The following TULP4 variants were observed in gnomAD, a reference collection of about 807,000 sequenced individuals.
TULP4 encodes the protein TUB like protein 4.
A neutral mutation model predicts 129.0 loss-of-function variants in TULP4; 16 were observed. The observed-to-expected ratio is 0.12, with a 90% CI of 0.08 to 0.19. TULP4 has a LOEUF of 0.19. Among genes scored for constraint, TULP4 ranks in the 10% least tolerant of loss-of-function variants. The pLI, the probability that TULP4 is intolerant of heterozygous loss-of-function variation, is 1.00. For synonymous variants in TULP4, 998 were observed against 854.0 expected (o/e 1.17, Z -2.94); for missense variants, 1,842 against 2,059.1 (o/e 0.89, Z 2.04).
intron 8 of TULP4, among the ~76,000 whole-genome samples, chr6:158,482,581 G>A (rs534556810): frequency 2.0e-4 from 31 of 152,324 alleles, no homozygotes; most frequent in African/African-American, 7.0e-4. Flanking sequence ...AGAAGCGCAT[G>A]TTCACGTGGG....
intron 1 of TULP4, among the ~76,000 whole-genome samples, chr6:158,357,253 T>C (rs1780670700): frequency 6.6e-6 from 1 of 152,232 alleles, no homozygotes; most frequent in South Asian, 2.1e-4. Flanking sequence ...GAGCCTTGTC[T>C]GAGGAGAACA....
intron 1 of TULP4, among the ~76,000 whole-genome samples, chr6:158,360,548 G>T (rs1181393883): frequency 6.6e-6 from 1 of 152,178 alleles, no homozygotes; most frequent in African/African-American, 2.4e-5. Context: ...GTAGAATGTG[G>T]CATTTATGAA....
intron 1 of TULP4, among the ~76,000 whole-genome samples, chr6:158,388,320 T>TTTTG (rs1777498761): frequency 9.0e-6 from 1 of 111,130 alleles, no homozygotes; most frequent in South Asian, 3.0e-4. Flanking sequence ...CTGCTCGTTT[T>TTTTG]TCTTTTTTTT....
intron 1 of TULP4, among the ~76,000 whole-genome samples, chr6:158,344,277 C>T (rs1259427183): frequency 6.6e-6 from 1 of 152,222 alleles, no homozygotes; most frequent in African/African-American, 2.4e-5. Context: ...CACCTGCACC[C>T]AGGTGAAATA....
At chr6:158,467,939 T>C (rs1779589359) in intron 6 of TULP4, among the ~76,000 whole-genome samples, 1 of 152,244 alleles carries the variant, frequency 6.6e-6, no homozygotes, top group African/African-American at 2.4e-5. Context: ...TGGTGAGTTA[T>C]GTTGGGGCAG....
chr6:158,448,993 C>A lies in TULP4; in HGVS notation c.544-3C>A, dbSNP rs1779109291. The A allele has an allele frequency of 6.2e-7, 1 of 1,603,738 alleles. No individual in the cohort carries two copies. The highest frequency in any genetic ancestry group is 8.5e-7 in the Non-Finnish European group (1 of 1,173,222). ...GGTCAGAGGTCCCCATCCTGGATTGCAGGTGCTGTTTGGCACGGCCGATGG... is the reference window on the plus strand; with the variant it reads ...GGTCAGAGGTCCCCATCCTGGATTGAAGGTGCTGTTTGGCACGGCCGATGG... On this transcript the variant is annotated splice_region_variant and splice_polypyrimidine_tract_variant and intron_variant, in intron 3 of 13. Transcript: ENST00000367097.
chr6:158,370,912 A>G (rs1468373590), intron 1 of TULP4, among the ~76,000 whole-genome samples: 1 of 152,190 alleles, frequency 6.6e-6, no homozygotes, highest in Non-Finnish European at 1.5e-5. Context: ...TGTGGTAGAC[A>G]TCCACTGTTT....
intron 12 of TULP4, among the ~76,000 whole-genome samples, chr6:158,500,302 A>G (rs1780415344): frequency 6.6e-6 from 1 of 152,228 alleles, no homozygotes; most frequent in Admixed American, 6.5e-5. Flanking sequence ...AGCTTCTCCA[A>G]GAGGGATCTG....
At chr6:158,388,322 C>CCTTTT (rs1375374518) in intron 1 of TULP4, among the ~76,000 whole-genome samples, 6 of 86,262 alleles carry the variant, frequency 7.0e-5, no homozygotes, top group African/African-American at 3.0e-4. Context: ...GCTCGTTTTT[C>CCTTTT]TTTTTTTTTT....
At chr6:158,326,378 CCTT>C (rs1403493815) in intron 1 of TULP4, among the ~76,000 whole-genome samples, 3 of 152,122 alleles carry the variant, frequency 2.0e-5, no homozygotes, top group African/African-American at 7.2e-5. Context: ...CCTTTGTCAT[CCTT>C]CTGCTCTCTG....
intron 1 of TULP4, among the ~76,000 whole-genome samples, chr6:158,408,231 G>C (rs1778010119): frequency 6.6e-6 from 1 of 152,156 alleles, no homozygotes; most frequent in Non-Finnish European, 1.5e-5. Context: ...TTCAGGGAAG[G>C]CTTTACTCAC....
chr6:158,294,291 A>G (rs1778992579), intron 1 of TULP4, among the ~76,000 whole-genome samples: 2 of 151,844 alleles, frequency 1.3e-5, no homozygotes, highest in Non-Finnish European at 2.9e-5. Flanking sequence ...TGAACCTGGG[A>G]GGCAGAGATT....
rs547784950 is a variant in TULP4, at chr6:158,495,301, C to G, written c.1870+455C>G. ...CTCCTGAGCTCAAGCAATTTGCCCACCTCAACCTTCCAAAGTGCTGGGATG... is the reference window on the plus strand; with the variant it reads ...CTCCTGAGCTCAAGCAATTTGCCCAGCTCAACCTTCCAAAGTGCTGGGATG... On this transcript the variant is annotated intron_variant, in intron 11 of 13. Coordinates refer to ENST00000367097, the MANE Select transcript of TULP4 (RefSeq NM_020245.5). Among the ~76,000 whole-genome samples, 14 of 152,294 alleles carry G rather than the reference C, an allele frequency of 9.2e-5. No homozygotes were observed. The South Asian group carries it at 2.5e-3, about 27-fold the overall frequency.
At chr6:158,288,633 T>C (rs1397275796) in intron 1 of TULP4, among the ~76,000 whole-genome samples, 1 of 152,092 alleles carries the variant, frequency 6.6e-6, no homozygotes, top group Non-Finnish European at 1.5e-5. Flanking sequence ...CCGGAGTAGC[T>C]GGGACTACAG....
At chr6:158,401,047 TTTTTTGTTGTTGTTGTTG>T (rs1157158880) in intron 1 of TULP4, among the ~76,000 whole-genome samples, 4 of 112,250 alleles carry the variant, frequency 3.6e-5, no homozygotes, top group Admixed American at 1.8e-4. Flanking sequence ...TTTGTTTGGG[TTTTTTGTTGTTGTTGTTG>T]TTGTTGTTGT....
intron 1 of TULP4, among the ~76,000 whole-genome samples, chr6:158,331,742 TAC>T (rs1562523234): frequency 8.8e-5 from 1 of 11,348 alleles, no homozygotes; most frequent in African/African-American, 2.4e-4. Context: ...CGTATATATA[TAC>T]GTGTATATAC....
intron 1 of TULP4, among the ~76,000 whole-genome samples, chr6:158,245,159 A>ATTT (rs76155193): frequency 7.3e-6 from 1 of 136,386 alleles, no homozygotes; most frequent in Non-Finnish European, 1.6e-5. Context: ...GGTCAATTAA[A>ATTT]TTTTTTTTTT....
intron 13 of TULP4, among the ~76,000 whole-genome samples, 189 bp from the exon 14 acceptor site, chr6:158,506,389 G>A (rs566012283): frequency 2.4e-3 from 359 of 151,768 alleles, no homozygotes; most frequent in Non-Finnish European, 4.0e-3. Flanking sequence ...CCGCCACCAC[G>A]CCCGGCTAAT....
In TULP4 at chr6:158,291,599, T is replaced by G. The variant is rs73586764; in HGVS notation, n.116+9221T>G. Among the ~76,000 whole-genome samples, 281 of 152,310 alleles carry G rather than the reference T, an allele frequency of 1.8e-3. 1 individual carries two copies. Among genetic ancestry groups the G allele is most frequent in the African/African-American group, 5.9e-3 (244 of 41,574 alleles). ...TTTTTTTTTATCAGTTTTGGCAAAT[T>G]CTCAGTTGTTATGTCTTCAGATATT... On this transcript the variant is annotated intron_variant and non_coding_transcript_variant, in intron 1 of 1. Coordinates refer to the TULP4 transcript ENST00000432358.
Sources: allele counts gnomAD v4.1 joint callset (sites outside exome capture counted in the v4.1 genomes callset), GRCh38; gene constraint gnomAD v4.1.1; transcripts MANE v1.5; gene names NCBI Gene and HGNC (gene_info 2026-07-23, HGNC 2026-07-21).